The following FRMPD4 variants were observed in gnomAD, a reference collection of about 807,000 sequenced individuals.
FRMPD4 encodes the protein FERM and PDZ domain containing 4, also known as FERM and PDZ domain-containing protein 4.
Under a neutral mutation model 94.1 loss-of-function variants are expected in FRMPD4, and 22 were observed. The ratio of observed to expected loss-of-function variants is 0.23; its 90% CI spans 0.17 to 0.33. The LOEUF (loss-of-function observed/expected upper bound fraction) is 0.33. Ranked by LOEUF, FRMPD4 falls within the 10% of genes least tolerant of loss-of-function variation. The pLI is 1.00. For missense variants in FRMPD4, 1,111 were observed against 1,339.9 expected, an observed-to-expected ratio of 0.83 and a Z score of 2.67; for synonymous variants, 631 against 548.6, an observed-to-expected ratio of 1.15 and a Z score of -2.10.
intron 1 of FRMPD4, among the ~76,000 whole-genome samples, chrX:12,377,747 G>A (rs893185132): frequency 1.8e-5 from 2 of 112,640 alleles, no homozygotes; most frequent in Admixed American, 9.3e-5. Flanking sequence ...GCTAGAAGTC[G>A]CGATGCTCGC....
At chrX:12,390,289 A>G (rs766554577) in intron 1 of FRMPD4, among the ~76,000 whole-genome samples, 1 of 112,802 alleles carries the variant, frequency 8.9e-6, no homozygotes, top group South Asian at 3.6e-4. Context: ...AATATAAGTT[A>G]AATAATTTGT....
At chrX:12,710,861 G>A (rs2041973087) in intron 14 of FRMPD4, among the ~76,000 whole-genome samples, 2 of 110,573 alleles carry the variant, frequency 1.8e-5, no homozygotes, top group South Asian at 3.9e-4. Flanking sequence ...AGCCGAGATC[G>A]CACCACTGCA....
intron 1 of FRMPD4, among the ~76,000 whole-genome samples, chrX:11,845,434 G>A (rs1047040840): frequency 1.8e-5 from 2 of 110,728 alleles, no homozygotes; most frequent in African/African-American, 6.6e-5. Context: ...ATTCACAGCC[G>A]AATTCTACCA....
chrX:12,139,455 CAA>C (rs1192146041), intron 1 of FRMPD4, among the ~76,000 whole-genome samples: 1 of 109,464 alleles, frequency 9.1e-6, no homozygotes, highest in Non-Finnish European at 1.9e-5. Flanking sequence ...CACACCTCCA[CAA>C]AGTCAGCTCC....
chrX:12,444,744 CAAG>C (rs2057176260), intron 1 of FRMPD4, among the ~76,000 whole-genome samples: 2 of 111,239 alleles, frequency 1.8e-5, no homozygotes, highest in South Asian at 7.7e-4. Flanking sequence ...TGCAAGAGAG[CAAG>C]AAGGGGCCAA....
At chrX:12,388,820 T>G (rs1601887283) in intron 1 of FRMPD4, among the ~76,000 whole-genome samples, 1 of 16,677 alleles carries the variant, frequency 6.0e-5, no homozygotes, top group South Asian at 1.8e-3. Context: ...GAAAATGTGA[T>G]ATATATATAT....
intron 1 of FRMPD4, among the ~76,000 whole-genome samples, chrX:12,405,330 C>T (rs1342453843): frequency 9.0e-6 from 1 of 111,215 alleles, no homozygotes; most frequent in East Asian, 2.8e-4. Context: ...AGAAAAGTTT[C>T]TCCAGCGACC....
intron 3 of FRMPD4, among the ~76,000 whole-genome samples, chrX:12,104,667 C>T (rs764060376): frequency 2.2e-3 from 242 of 112,368 alleles, no homozygotes; most frequent in Non-Finnish European, 3.8e-3. Context: ...TCATATTTAT[C>T]TCTGAGAATC....
intron 3 of FRMPD4, among the ~76,000 whole-genome samples, chrX:12,001,777 T>C (rs181941198): frequency 8.9e-6 from 1 of 112,343 alleles, no homozygotes. Flanking sequence ...AGACTCGGAA[T>C]TCTTCCCTAT....
intron 3 of FRMPD4, among the ~76,000 whole-genome samples, chrX:12,123,149 T>C (rs2055471318): frequency 9.3e-6 from 1 of 107,097 alleles, no homozygotes; most frequent in Admixed American, 1.0e-4. Flanking sequence ...TTTGTTTGTT[T>C]GTTTTTTAGA....
intron 1 of FRMPD4, among the ~76,000 whole-genome samples, chrX:12,328,584 G>C (rs1420444638): frequency 1.8e-5 from 2 of 112,787 alleles, no homozygotes; most frequent in East Asian, 5.5e-4. Flanking sequence ...AAGTAACTAA[G>C]ACAGTGAAAA....
chrX:12,051,923 C>A (rs751134309), intron 3 of FRMPD4, among the ~76,000 whole-genome samples: 1 of 111,627 alleles, frequency 9.0e-6, no homozygotes, highest in South Asian at 3.8e-4. Context: ...ATTACAAATG[C>A]TTCAGAAGCA....
At chrX:12,215,490 C>T (rs1039094585) in intron 1 of FRMPD4, among the ~76,000 whole-genome samples, 4 of 111,954 alleles carry the variant, frequency 3.6e-5, no homozygotes, top group Non-Finnish European at 7.5e-5. Context: ...TCTAGTTAAA[C>T]ACAGTAGAAA....
chrX:11,946,874 C>G (rs1235835515), intron 3 of FRMPD4, among the ~76,000 whole-genome samples: 1 of 111,802 alleles, frequency 8.9e-6, no homozygotes, highest in African/African-American at 3.3e-5. Context: ...ATACCATTAG[C>G]CCCCTGATTC....
At chrX:12,552,782 T>A (rs2058550885) in intron 2 of FRMPD4, among the ~76,000 whole-genome samples, 1 of 112,585 alleles carries the variant, frequency 8.9e-6, no homozygotes, top group African/African-American at 3.2e-5. Flanking sequence ...CTCTTCCCCA[T>A]AGGTAATATT....
At chrX:12,217,825 A>C (rs919946560) in intron 1 of FRMPD4, among the ~76,000 whole-genome samples, 3 of 112,317 alleles carry the variant, frequency 2.7e-5, no homozygotes, top group Non-Finnish European at 3.8e-5. Flanking sequence ...TCTGCAAGGG[A>C]AACATTTACT....
In FRMPD4 at chrX:12,721,947, C is replaced by A; in HGVS notation, c.*89C>A. The stretch of plus-strand genomic sequence containing the variant: ...TGTATGATGAACAGATGTCTCCTTT[C>A]TTCTCTCTGTATATTTTGTTATTTT... On this transcript the variant is annotated 3_prime_UTR_variant, in exon 17 of 17. Coordinates refer to ENST00000675598, the MANE Select transcript of FRMPD4 (RefSeq NM_001368397.1). The A allele has an allele frequency of 3.0e-6, 1 of 336,954 alleles. No homozygotes were observed. The highest frequency in any genetic ancestry group is 3.9e-6 in the Non-Finnish European group (1 of 256,777). 27.8% of individuals were successfully genotyped at this position (336,954 alleles called of 1,213,427 possible). A position where few individuals can be genotyped will look rare whatever the true frequency, so the allele number is the denominator to read the frequency against.
chrX:12,350,971 C>T (rs747743529), intron 1 of FRMPD4, among the ~76,000 whole-genome samples: 10 of 111,587 alleles, frequency 9.0e-5, no homozygotes, highest in African/African-American at 1.9e-4. Flanking sequence ...GTCAGGAAAT[C>T]GAGACCATCC....
rs1428350271 is a variant in FRMPD4 at position 12,720,074 on chromosome X, GAAAGAA to G, written c.3965-458_3965-453del. 2.8e-3 allele frequency among the ~76,000 whole-genome samples: 274 copies of G among 98,716 alleles called. 3 individuals carry two copies. Among genetic ancestry groups the G allele is most frequent in the East Asian group, 0.023 (69 of 2,992 alleles). The allele number at this position is 98,716 out of a possible 115,157, so 85.7% of individuals were successfully genotyped here. A position where few individuals can be genotyped will look rare whatever the true frequency, so the allele number is the denominator to read the frequency against. On this transcript the variant is annotated intron_variant, in intron 16 of 16. Transcript: ENST00000675598. The stretch of plus-strand genomic sequence containing the variant: ...GGAAAGAAAGAAAGAAAGAAAGAAA[GAAAGAA>G]AGAGAAAGAAAGAAAGGAGGAAGAA...
Sources: allele counts gnomAD v4.1 joint callset (sites outside exome capture counted in the v4.1 genomes callset), GRCh38; gene constraint gnomAD v4.1.1; transcripts MANE v1.5; gene names NCBI Gene and HGNC (gene_info 2026-07-23, HGNC 2026-07-21).